The following SUSD4 variants were observed in gnomAD, a reference collection of about 807,000 sequenced individuals.
SUSD4 encodes the protein sushi domain containing 4.
Under a neutral mutation model 50.5 loss-of-function variants are expected in SUSD4, and 41 were observed. That is an observed-to-expected ratio of 0.81 (90% CI 0.63 to 1.05). SUSD4 has a LOEUF of 1.05. SUSD4 is among the 50% of genes least tolerant of loss of function. The pLI is 0.00. For missense variants in SUSD4, 580 were observed against 634.7 expected, an observed-to-expected ratio of 0.91 and a Z score of 0.93; for synonymous variants, 257 against 257.3, an observed-to-expected ratio of 1.00 and a Z score of 0.01.
chr1:223,251,462 T>C (rs1316313663), intron 5 of SUSD4, among the ~76,000 whole-genome samples: 1 of 152,186 alleles, frequency 6.6e-6, no homozygotes. Flanking sequence ...CAATCACCTC[T>C]CACCAGGCCA....
In SUSD4 at chr1:223,231,126, G is replaced by A. The variant is rs913490757; in HGVS notation, c.725-1738C>T. Among the ~76,000 whole-genome samples the A allele has an allele frequency of 3.3e-5, 5 of 152,124 alleles. No homozygotes were observed. The highest frequency in any genetic ancestry group is 7.2e-5 in the African/African-American group (3 of 41,474). On this transcript the variant is annotated intron_variant, in intron 5 of 8. Transcript: ENST00000366878. This position sits in a 1 kb window ranked among gnomAD's most constrained non-coding sequence, Gnocchi z 4.2. ...AGGTGGAACCATGGAGGTCTATCCC[G>A]CGGGAACTGGAGCCCGGGGAAACTC...
At position 223,264,683 on chromosome 1, in the gene SUSD4, C is replaced by T; in HGVS notation, c.671G>A (p.Cys224Tyr). ...FKLDGSAYLE[C>Y]LQNLIWSSSP... is the part of the protein sequence containing the mutation. Reference sequence around the variant, plus strand: ...GGACGACCAGATAAGGTTTTGTAAGCACTCAAGATACGCAGACCCATCAAG... The same window carrying T: ...GGACGACCAGATAAGGTTTTGTAAGTACTCAAGATACGCAGACCCATCAAG... The change falls in exon 5 of 9, where the codon TGC (cysteine) becomes TAC (tyrosine). Residue 224 changes from cysteine (C) to tyrosine (Y), a missense_variant. Cys to Tyr is a radical substitution (Grantham distance 194, BLOSUM62 -2). Coordinates refer to ENST00000366878, the MANE Select transcript of SUSD4 (RefSeq NM_017982.4). 1 of 1,614,178 alleles carries T rather than the reference C, an allele frequency of 6.2e-7. No homozygotes were observed. The highest frequency in any genetic ancestry group is 8.5e-7 in the Non-Finnish European group (1 of 1,180,032).
chr1:223,363,168 C>T (rs1184185803), intron 2 of SUSD4, 110 bp downstream of exon 2: 1 of 1,277,322 alleles, frequency 7.8e-7, no homozygotes, highest in Non-Finnish European at 1.0e-6. Flanking sequence ...TTGTCAGATC[C>T]TCCTGAAGTC....
intron 2 of SUSD4, among the ~76,000 whole-genome samples, chr1:223,354,660 T>C (rs1037331704): frequency 1.3e-5 from 2 of 152,164 alleles, no homozygotes; most frequent in Admixed American, 6.5e-5. Context: ...TGAAAATGCA[T>C]CCTTGGGTTA....
In SUSD4 at chr1:223,231,582, C is replaced by T. The variant is rs530248058; in HGVS notation, c.725-2194G>A. Among the ~76,000 whole-genome samples, 1 of 152,258 alleles carries T rather than the reference C, an allele frequency of 6.6e-6. No homozygotes were observed. The highest frequency in any genetic ancestry group is 2.1e-4 in the South Asian group (1 of 4,824). ...TGCTACCACCAGGGTGCTCTGGGAG[C>T]ATCTCCAGGAAATAAAGCAGAAGGA... On this transcript the variant is annotated intron_variant, in intron 5 of 8. Coordinates refer to ENST00000366878, the MANE Select transcript of SUSD4 (RefSeq NM_017982.4). This position sits in a 1 kb window ranked among gnomAD's most constrained non-coding sequence, Gnocchi z 4.2.
chr1:223,363,396 T>C lies in SUSD4; in HGVS notation c.30A>G (p.Gly10=). 6.3e-7 allele frequency: 1 copy of C among 1,576,008 alleles called. No homozygotes were observed. The highest frequency in any genetic ancestry group is 8.6e-7 in the Non-Finnish European group (1 of 1,160,478). The part of the protein sequence containing the change: MYHGMNPSN[G]DGFLEQQQQQ... ...GCTGCTGCTGCTCTAGAAATCCATC[T>C]CCATTGCTCGGGTTCATTCCATGAT... Residue 10 remains glycine (G), a synonymous_variant, in exon 2 of 9, where the codon GGA becomes GGG. Coordinates refer to ENST00000366878, the MANE Select transcript of SUSD4 (RefSeq NM_017982.4).
rs967574766 is a variant in SUSD4 at position 223,227,037 on chromosome 1, A to C, written c.1061+557T>G. On this transcript the variant is annotated intron_variant, in intron 7 of 8. Transcript: ENST00000366878. This position sits in a 1 kb window ranked among gnomAD's most constrained non-coding sequence, Gnocchi z 4.5. ...TTGGTGCAGCTCAGAAGGATGTAGA[A>C]GCGCCTTCCACATGTCCCACTCCAG... 2.6e-4 allele frequency among the ~76,000 whole-genome samples: 39 copies of C among 152,158 alleles called. No homozygotes were observed. The highest frequency in any genetic ancestry group is 7.5e-4 in the African/African-American group (31 of 41,418).
intron 2 of SUSD4, among the ~76,000 whole-genome samples, chr1:223,349,733 G>A (rs2103324336): frequency 6.6e-6 from 1 of 152,230 alleles, no homozygotes; most frequent in East Asian, 1.9e-4. Context: ...TCAGAACTGA[G>A]CTCCGGCATC....
intron 2 of SUSD4, among the ~76,000 whole-genome samples, chr1:223,296,528 G>A (rs1664837356): frequency 6.6e-6 from 1 of 152,168 alleles, no homozygotes; most frequent in Admixed American, 6.5e-5. Flanking sequence ...GCAGTCCAAG[G>A]CACAGGTGGG....
chr1:223,362,522 C>T (rs1669042856), intron 2 of SUSD4, among the ~76,000 whole-genome samples: 1 of 152,188 alleles, frequency 6.6e-6, no homozygotes, highest in East Asian at 1.9e-4. Context: ...TCTACCACAA[C>T]TAAAAGATAC....
Position 223,222,107 on chromosome 1 carries a change from A to C in SUSD4, c.*85T>G. 1 of 1,447,106 alleles carries C rather than the reference A, an allele frequency of 6.9e-7. No individual in the cohort carries two copies. The highest frequency in any genetic ancestry group is 2.3e-5 in the East Asian group (1 of 42,742). The allele number at this position is 1,447,106 out of a possible 1,614,324, so 89.6% of individuals were successfully genotyped here. On this transcript the variant is annotated 3_prime_UTR_variant, in exon 9 of 9. Transcript: ENST00000366878. ...TAGACAAGTTAGACATTTTGCCCCC[A>C]GGCTCTATCCTTCTGTGACCTCACT...
chr1:223,276,098 C>T (rs1054415882), intron 3 of SUSD4, among the ~76,000 whole-genome samples: 2 of 152,148 alleles, frequency 1.3e-5, no homozygotes, highest in East Asian at 1.9e-4. Flanking sequence ...TGGAAGGACC[C>T]GAGTGGGGGT....
At chr1:223,338,680 T>C (rs1379472276) in intron 2 of SUSD4, among the ~76,000 whole-genome samples, 1 of 152,146 alleles carries the variant, frequency 6.6e-6, no homozygotes, top group Non-Finnish European at 1.5e-5. Context: ...GTGATGCACT[T>C]ATGCGAGGAA....
chr1:223,347,209 A>G (rs1331434462), intron 2 of SUSD4, among the ~76,000 whole-genome samples: 1 of 152,132 alleles, frequency 6.6e-6, no homozygotes, highest in Non-Finnish European at 1.5e-5. Context: ...AAACAATCCA[A>G]TTACACTTTT....
chr1:223,351,380 T>C (rs1200774312), intron 2 of SUSD4, among the ~76,000 whole-genome samples: 2 of 152,198 alleles, frequency 1.3e-5, no homozygotes, highest in Non-Finnish European at 2.9e-5. Flanking sequence ...GTGCCCTCAG[T>C]CCCCACTCTG....
chr1:223,252,729 T>C (rs889659153), intron 5 of SUSD4, among the ~76,000 whole-genome samples: 1 of 151,860 alleles, frequency 6.6e-6, no homozygotes, highest in Admixed American at 6.6e-5. Flanking sequence ...CTTTTTTTTT[T>C]AAACTCCAGT....
rs1000207188 is a variant in SUSD4, at chr1:223,226,442, C to T, written c.1061+1152G>A. ...CTATCAGGTTGTGACCATAGCGGGT[C>T]CCTGCTGCCAGGCAGGGGAGAATTG... On this transcript the variant is annotated intron_variant, in intron 7 of 8. Coordinates refer to ENST00000366878, the MANE Select transcript of SUSD4 (RefSeq NM_017982.4). Among the ~76,000 whole-genome samples, 3 of 152,174 alleles carry T rather than the reference C, an allele frequency of 2.0e-5. No homozygotes were observed. In the East Asian group the frequency reaches 5.8e-4, roughly 29 times the overall value.
In SUSD4 at chr1:223,273,964, T is replaced by G. The variant is rs1015508234; in HGVS notation, c.362-5289A>C. Among the ~76,000 whole-genome samples the G allele has an allele frequency of 6.6e-5, 10 of 152,132 alleles. No individual in the cohort carries two copies. The East Asian group carries it at 1.9e-3, about 29-fold the overall frequency. ...TTTTCCTGAGTTCTGTGAGTCTGAG[T>G]TCCTGAGTCCTAGTGAATTTTTGAA... On this transcript the variant is annotated intron_variant, in intron 3 of 8. Transcript: ENST00000366878.
intron 5 of SUSD4, among the ~76,000 whole-genome samples, chr1:223,254,174 T>C (rs1661525770): frequency 1.3e-5 from 2 of 152,176 alleles, no homozygotes; most frequent in South Asian, 4.2e-4. Context: ...AGAGTTGGGC[T>C]TGAGACTGGT....
Sources: gnomAD v4.1 joint callset for allele counts (sites outside exome capture counted in the v4.1 genomes callset) on GRCh38, gnomAD v4.1.1 for gene constraint, Gnocchi (gnomAD v3.1) non-coding constraint, MANE v1.5 for transcripts, NCBI Gene and HGNC (gene_info 2026-07-23, HGNC 2026-07-21) for gene names.